PTPRN2: variants seen among roughly 807,000 people sequenced by gnomAD.
The protein encoded by PTPRN2 is protein tyrosine phosphatase receptor type N2, also known as receptor-type tyrosine-protein phosphatase N2.
In PTPRN2, 74 loss-of-function variants were observed where a neutral mutation model predicts 118.8. That is an observed-to-expected ratio of 0.62 (90% CI 0.52 to 0.76). The LOEUF is 0.76. Among genes scored for constraint, PTPRN2 ranks in the 30% least tolerant of loss-of-function variants. PTPRN2 has a pLI of 0.00. For missense variants in PTPRN2, 1,481 were observed against 1,394.4 expected (o/e 1.06, Z -0.99); for synonymous variants, 641 against 608.0 (o/e 1.05, Z -0.80).
chr7:157,877,974 G>A (rs186599721), intron 12 of PTPRN2, among the ~76,000 whole-genome samples: 2 of 152,324 alleles, frequency 1.3e-5, no homozygotes, highest in East Asian at 3.9e-4. Flanking sequence ...AGCGCCCCAA[G>A]GAAAATCCCG....
chr7:158,261,221 A>G (rs1797376256), intron 3 of PTPRN2, among the ~76,000 whole-genome samples: 1 of 152,160 alleles, frequency 6.6e-6, no homozygotes, highest in Non-Finnish European at 1.5e-5. Flanking sequence ...GGCAGAGGCC[A>G]GGGTCGGCCT....
At chr7:158,213,123 A>G (rs962801751) in intron 3 of PTPRN2, among the ~76,000 whole-genome samples, 1 of 152,118 alleles carries the variant, frequency 6.6e-6, no homozygotes, top group African/African-American at 2.4e-5. Flanking sequence ...TAATCACTAA[A>G]TATCATGTAA....
intron 10 of PTPRN2, among the ~76,000 whole-genome samples, chr7:158,087,788 G>A (rs796113305): frequency 7.8e-6 from 1 of 129,008 alleles, no homozygotes; most frequent in Admixed American, 7.7e-5. Flanking sequence ...ATGAAAGGGG[G>A]AGTCTTCACA....
chr7:158,489,690 G>C, intron 2 of PTPRN2, 45 bp downstream of exon 2: 1 of 1,540,598 alleles, frequency 6.5e-7, no homozygotes, highest in Non-Finnish European at 8.8e-7. Context: ...ACGGCGGGCA[G>C]GAGAGGGGCA....
chr7:157,703,702 C>T (rs189062362), intron 12 of PTPRN2, among the ~76,000 whole-genome samples: 31 of 152,214 alleles, frequency 2.0e-4, no homozygotes, highest in Admixed American at 1.0e-3. Flanking sequence ...GGGGTTCCTG[C>T]GGTCCAACCC....
chr7:158,277,533 C>T (rs575231678), intron 3 of PTPRN2, among the ~76,000 whole-genome samples: 2 of 152,300 alleles, frequency 1.3e-5, no homozygotes, highest in Non-Finnish European at 2.9e-5. Flanking sequence ...AGGACCTAAC[C>T]CGCGCTCTCC....
chr7:157,544,916 G>C (rs549674125), intron 22 of PTPRN2, among the ~76,000 whole-genome samples: 1 of 149,930 alleles, frequency 6.7e-6, no homozygotes, highest in Non-Finnish European at 1.5e-5. Context: ...GTGTGCAGCA[G>C]TGCAGGTGTG....
intron 2 of PTPRN2, among the ~76,000 whole-genome samples, chr7:158,340,754 A>ATT (rs1806581366): frequency 1.3e-5 from 1 of 79,078 alleles, no homozygotes; most frequent in African/African-American, 5.4e-5. Context: ...TGCAGACGTC[A>ATT]CACACACCCA....
rs1563179071 is a variant in PTPRN2, at chr7:157,858,116, AGCCACCACCCACACTCCTGCAGGGAGAG to A, written c.1788+40529_1788+40556del. Reference sequence around the variant, plus strand: ...CACACTCCTGCAGGGAGAGCCTCCCAGCCACCACCCACACTCCTGCAGGGAGAGCCCCGTCACCACCCACACTCCTGCA... The same window carrying A: ...CACACTCCTGCAGGGAGAGCCTCCCACCCCGTCACCACCCACACTCCTGCA... On this transcript the variant is annotated intron_variant, in intron 12 of 22. Coordinates refer to ENST00000389418, the MANE Select transcript of PTPRN2 (RefSeq NM_002847.5). 4.7e-3 allele frequency among the ~76,000 whole-genome samples: 290 copies of A among 61,254 alleles called. 3 individuals are homozygous for A. Among genetic ancestry groups the A allele is most frequent in the African/African-American group, 7.4e-3 (105 of 14,150 alleles). The allele number at this position is 61,254 out of a possible 152,430, so 40.2% of individuals were successfully genotyped here.
At position 157,801,236 on chromosome 7, in the gene PTPRN2, G is replaced by A. The variant is rs1296229182; in HGVS notation, c.1788+97437C>T. Reference sequence around the variant, plus strand: ...GTTACGCCAGACCAGAAACTGAACCGACGCTGAAAGTATCAGGCCTTCCGC... The same window carrying A: ...GTTACGCCAGACCAGAAACTGAACCAACGCTGAAAGTATCAGGCCTTCCGC... On this transcript the variant is annotated intron_variant, in intron 12 of 22. Transcript: ENST00000389418. This position sits in a 1 kb window ranked among gnomAD's most constrained non-coding sequence, Gnocchi z 4.2. Among the ~76,000 whole-genome samples the A allele has an allele frequency of 6.6e-6, 1 of 152,056 alleles. No individual in the cohort carries two copies. Among genetic ancestry groups the A allele is most frequent in the African/African-American group, 2.4e-5 (1 of 41,428 alleles).
At chr7:158,266,540 G>A (rs1586045652) in intron 3 of PTPRN2, among the ~76,000 whole-genome samples, 1 of 150,152 alleles carries the variant, frequency 6.7e-6, no homozygotes, top group Non-Finnish European at 1.5e-5. Flanking sequence ...GCTGCGGTGT[G>A]ATGTCTGGCA....
At chr7:157,689,074 C>T (rs1240145106) in intron 12 of PTPRN2, among the ~76,000 whole-genome samples, 1 of 152,214 alleles carries the variant, frequency 6.6e-6, no homozygotes, top group African/African-American at 2.4e-5. Context: ...TCCCGGCGCT[C>T]GCAGCCCCCG....
intron 12 of PTPRN2, among the ~76,000 whole-genome samples, chr7:157,733,341 T>C (rs370242762): frequency 6.9e-5 from 3 of 43,442 alleles, no homozygotes; most frequent in Admixed American, 2.2e-4. Context: ...CTCTTTTCCG[T>C]CCCATGCGCC....
Position 158,523,433 on chromosome 7 carries a change from A to AGTCTGCCCTGGAGCGGAGTC in PTPRN2, c.113-33668_113-33649dup, listed in dbSNP as rs1563392422. On this transcript the variant is annotated intron_variant, in intron 1 of 22. Transcript: ENST00000389418. ...TGGAGCGGAGTCTGCCCTGAAGCGGAGTCTGCCCTGGAGCGGAGTCGTCTG... is the reference window on the plus strand; with the variant it reads ...TGGAGCGGAGTCTGCCCTGAAGCGGAGTCTGCCCTGGAGCGGAGTCGTCTGCCCTGGAGCGGAGTCGTCTG... Among the ~76,000 whole-genome samples the AGTCTGCCCTGGAGCGGAGTC allele has an allele frequency of 2.9e-3, 278 of 97,126 alleles. 1 individual carries two copies. The highest frequency in any genetic ancestry group is 4.3e-3 in the Non-Finnish European group (196 of 45,370). 63.7% of individuals were successfully genotyped at this position (97,126 alleles called of 152,430 possible).
Position 158,405,794 on chromosome 7 carries a change from G to A in PTPRN2, c.163+83941C>T, listed in dbSNP as rs1024083777. 2.0e-5 allele frequency among the ~76,000 whole-genome samples: 3 copies of A among 151,714 alleles called. 1 individual carries two copies. Among genetic ancestry groups the A allele is most frequent in the African/African-American group, 7.3e-5 (3 of 41,214 alleles). ...CCACAAGTGGCTTATCCATGCATGT[G>A]GCCGCACACTGAGATCCCGGTGGCT... On this transcript the variant is annotated intron_variant, in intron 2 of 22. Transcript: ENST00000389418.
At chr7:157,582,051 T>G (rs557292587) in intron 17 of PTPRN2, among the ~76,000 whole-genome samples, 2 of 152,342 alleles carry the variant, frequency 1.3e-5, no homozygotes, top group African/African-American at 4.8e-5. Context: ...GATCTCAGAC[T>G]ACCAGGCTCC....
chr7:158,163,612 C>T (rs978136815), intron 6 of PTPRN2, among the ~76,000 whole-genome samples: 20 of 149,652 alleles, frequency 1.3e-4, no homozygotes, highest in South Asian at 4.3e-4. Flanking sequence ...GGCGCCTGTA[C>T]GGGGTTCTCA....
At chr7:158,263,306 T>C (rs565608916) in intron 3 of PTPRN2, among the ~76,000 whole-genome samples, 2 of 152,342 alleles carry the variant, frequency 1.3e-5, no homozygotes, top group African/African-American at 4.8e-5. Flanking sequence ...GCACACCGTG[T>C]GTGGGTGTAC....
At chr7:158,373,116 A>G (rs1301995865) in intron 2 of PTPRN2, among the ~76,000 whole-genome samples, 3 of 152,152 alleles carry the variant, frequency 2.0e-5, no homozygotes, top group Admixed American at 1.3e-4. Flanking sequence ...CTGTGGCCAC[A>G]CCCCCAAGAT....
Sources: gnomAD v4.1 joint callset for allele counts (sites outside exome capture counted in the v4.1 genomes callset) on GRCh38, gnomAD v4.1.1 for gene constraint, Gnocchi (gnomAD v3.1) non-coding constraint, MANE v1.5 for transcripts, NCBI Gene and HGNC (gene_info 2026-07-23, HGNC 2026-07-21) for gene names.